The following SLC35F1 variants were observed in gnomAD, a reference collection of about 807,000 sequenced individuals.
The protein encoded by SLC35F1 is chromosome 6 open reading frame 169.
A neutral mutation model predicts 48.7 loss-of-function variants in SLC35F1; 14 were observed. That is an observed-to-expected ratio of 0.29 (90% CI 0.19 to 0.45). SLC35F1 has a LOEUF of 0.45. SLC35F1 is among the 20% of genes least tolerant of loss of function. SLC35F1 has a pLI of 1.00. For synonymous variants in SLC35F1, 190 were observed against 202.2 expected, an observed-to-expected ratio of 0.94 and a Z score of 0.51; for missense variants, 404 against 500.0, an observed-to-expected ratio of 0.81 and a Z score of 1.83.
At position 117,923,648 on chromosome 6, in the gene SLC35F1, T is replaced by TATATAC. The variant is rs1473497896; in HGVS notation, c.173+15751_173+15752insATACAT. ...ATATACATATATGTACATATGTACATATGTACATATGTATATATACATATA... is the reference window on the plus strand; with the variant it reads ...ATATACATATATGTACATATGTACATATATACATGTACATATGTATATATACATATA... On this transcript the variant is annotated intron_variant, in intron 1 of 7. Transcript: ENST00000360388. Among the ~76,000 whole-genome samples, 41 of 90,916 alleles carry TATATAC rather than the reference T, an allele frequency of 4.5e-4. 6 individuals are homozygous for TATATAC. The highest frequency in any genetic ancestry group is 6.8e-4 in the East Asian group (2 of 2,928). 59.6% of individuals were successfully genotyped at this position (90,916 alleles called of 152,430 possible).
rs1776407439 is a variant in SLC35F1 at position 118,314,353 on chromosome 6, A to C, written c.*101A>C. On this transcript the variant is annotated 3_prime_UTR_variant, in exon 8 of 8. Coordinates refer to ENST00000360388, the MANE Select transcript of SLC35F1 (RefSeq NM_001029858.4). ...GAAAGGTATTTACTAGGTGCAGTTT[A>C]CACAGGTGGACTGCAAGGTAGCAAA... 3.0e-6 allele frequency: 3 copies of C among 995,944 alleles called. No homozygotes were observed. Among genetic ancestry groups the C allele is most frequent in the African/African-American group, 1.6e-5 (1 of 61,946 alleles). The allele number at this position is 995,944 out of a possible 1,614,324, so 61.7% of individuals were successfully genotyped here.
At chr6:118,130,162 A>T (rs1030645230) in intron 1 of SLC35F1, among the ~76,000 whole-genome samples, 11 of 152,356 alleles carry the variant, frequency 7.2e-5, no homozygotes, top group African/African-American at 2.6e-4. Context: ...CACAACTGTA[A>T]CATGGAAATT....
At chr6:118,091,589 G>A (rs1186219327) in intron 1 of SLC35F1, among the ~76,000 whole-genome samples, 3 of 152,136 alleles carry the variant, frequency 2.0e-5, no homozygotes, top group Non-Finnish European at 2.9e-5. Context: ...CCAGTCTTGG[G>A]TATGTCTTTA....
At chr6:118,262,160 G>A (rs74919811) in intron 3 of SLC35F1, among the ~76,000 whole-genome samples, 2,525 of 152,194 alleles carry the variant, frequency 0.017, 24 homozygotes, top group Non-Finnish European at 0.027. Context: ...AGGGGGCTGC[G>A]CGCATCATGA....
intron 1 of SLC35F1, among the ~76,000 whole-genome samples, chr6:118,048,698 T>G (rs1398906404): frequency 1.3e-5 from 2 of 152,044 alleles, no homozygotes; most frequent in Non-Finnish European, 2.9e-5. Context: ...AAAGCACTGC[T>G]CAAAGAAATA....
At chr6:118,046,545 G>A (rs1220382223) in intron 1 of SLC35F1, among the ~76,000 whole-genome samples, 1 of 152,086 alleles carries the variant, frequency 6.6e-6, no homozygotes, top group Non-Finnish European at 1.5e-5. Flanking sequence ...CAGCTTTGAG[G>A]TGAATGTACA....
At chr6:118,143,699 T>C (rs549413782) in intron 1 of SLC35F1, among the ~76,000 whole-genome samples, 1 of 152,306 alleles carries the variant, frequency 6.6e-6, no homozygotes, top group African/African-American at 2.4e-5. Flanking sequence ...ACTGAAAGTG[T>C]TGGTACTTCC....
chr6:117,921,493 G>A (rs1775898768), intron 1 of SLC35F1, among the ~76,000 whole-genome samples: 1 of 152,146 alleles, frequency 6.6e-6, no homozygotes, highest in Admixed American at 6.5e-5. Context: ...GTGCCTTTCA[G>A]GCAAAATTCT....
rs558714183 is a variant in SLC35F1, at chr6:117,960,960, C to T, written c.173+53061C>T. On this transcript the variant is annotated intron_variant, in intron 1 of 7. Transcript: ENST00000360388. ...AAGACATGTGCCATATGATACCCTG[C>T]TCTGAATCACTTGTCTTTGACTAGC... Among the ~76,000 whole-genome samples the T allele has an allele frequency of 2.6e-5, 4 of 152,242 alleles. 1 individual carries two copies. The highest frequency in any genetic ancestry group is 4.1e-4 in the South Asian group (2 of 4,822).
chr6:117,923,590 T>TATACAC (rs1292629673), intron 1 of SLC35F1, among the ~76,000 whole-genome samples: 2 of 47,440 alleles, frequency 4.2e-5, no homozygotes, highest in African/African-American at 1.1e-4. Context: ...TGTGTATATA[T>TATACAC]ACATATGTGT....
At chr6:117,979,358 A>C (rs1031968436) in intron 1 of SLC35F1, among the ~76,000 whole-genome samples, 1 of 152,218 alleles carries the variant, frequency 6.6e-6, no homozygotes, top group Non-Finnish European at 1.5e-5. Context: ...GTCAGAGGCT[A>C]GTTTCTGGTC....
intron 1 of SLC35F1, among the ~76,000 whole-genome samples, chr6:118,014,673 G>A (rs757706778): frequency 3.3e-5 from 5 of 152,114 alleles, no homozygotes; most frequent in Non-Finnish European, 7.3e-5. Flanking sequence ...TTAACTGAAA[G>A]CCAAAGGAGA....
At chr6:118,222,755 T>C (rs981821198) in intron 2 of SLC35F1, among the ~76,000 whole-genome samples, 1 of 152,224 alleles carries the variant, frequency 6.6e-6, no homozygotes, top group African/African-American at 2.4e-5. Context: ...GATTTAAACA[T>C]ATTTCTTGCA....
chr6:118,307,738 C>A (rs1350356285), intron 7 of SLC35F1, among the ~76,000 whole-genome samples: 1 of 152,198 alleles, frequency 6.6e-6, no homozygotes, highest in Non-Finnish European at 1.5e-5. Context: ...GTTGTCTTGG[C>A]CTGAATAGCA....
intron 1 of SLC35F1, among the ~76,000 whole-genome samples, chr6:118,062,192 G>C (rs1164748613): frequency 1.3e-5 from 2 of 152,080 alleles, no homozygotes; most frequent in Non-Finnish European, 2.9e-5. Flanking sequence ...ACTTCAATTA[G>C]AATAAATTTA....
chr6:117,942,133 G>A (rs7738597), intron 1 of SLC35F1, among the ~76,000 whole-genome samples: 85,214 of 151,972 alleles, frequency 0.56, 26,327 homozygotes, highest in South Asian at 0.81. Context: ...ACAGACATTG[G>A]TACTTACCCA....
At chr6:118,274,949 T>C (rs114756972) in intron 4 of SLC35F1, among the ~76,000 whole-genome samples, 96 of 152,306 alleles carry the variant, frequency 6.3e-4, no homozygotes, top group African/African-American at 2.1e-3. Context: ...GTTTGTTCTA[T>C]GCCATGTTCA....
intron 1 of SLC35F1, among the ~76,000 whole-genome samples, chr6:118,032,140 C>T (rs1485664499): frequency 1.3e-5 from 2 of 152,152 alleles, no homozygotes; most frequent in African/African-American, 4.8e-5. Flanking sequence ...TAAACCCAGA[C>T]ATATTTTCTC....
intron 1 of SLC35F1, among the ~76,000 whole-genome samples, chr6:118,049,562 A>G (rs2114908732): frequency 6.6e-6 from 1 of 151,900 alleles, no homozygotes; most frequent in East Asian, 1.9e-4. Context: ...AAGGATATGA[A>G]CAGACACTTC....
Sources: gnomAD v4.1 joint callset for allele counts (sites outside exome capture counted in the v4.1 genomes callset) on GRCh38, gnomAD v4.1.1 for gene constraint, MANE v1.5 for transcripts, NCBI Gene and HGNC (gene_info 2026-07-23, HGNC 2026-07-21) for gene names.